BRDT: variants seen among roughly 807,000 people sequenced by gnomAD.
BRDT encodes bromodomain testis associated.
BRDT carries 77 observed loss-of-function variants against 113.9 expected under a neutral mutation model. That is an observed-to-expected ratio of 0.68 (90% CI 0.56 to 0.82). The LOEUF (loss-of-function observed/expected upper bound fraction) is 0.82, where lower values mean the gene tolerates loss of function less well. BRDT is among the 40% of genes least tolerant of loss of function. BRDT has a pLI of 0.00. For missense variants in BRDT, 1,027 were observed against 1,105.4 expected (o/e 0.93, Z 1.01); for synonymous variants, 358 against 366.5 (o/e 0.98, Z 0.26).
chr1:91,991,991 C>CAAAAAAAAAAAAAAAAAAAA (rs764759925), intron 13 of BRDT, among the ~76,000 whole-genome samples: 17 of 67,738 alleles, frequency 2.5e-4, no homozygotes, highest in African/African-American at 2.9e-4. Context: ...GACTCTGTCT[C>CAAAAAAAAAAAAAAAAAAAA]AAAAAAAAAA....
rs1371773756 is a variant in BRDT, at chr1:91,957,739, T to G, written c.-37-4979T>G. On this transcript the variant is annotated intron_variant, in intron 1 of 18. Transcript: ENST00000399546. ...ATACTATCATACAAGGTAGTCTCACTTCCCTGAATATCCTCTGTGCTCTGC... is the reference window on the plus strand; with the variant it reads ...ATACTATCATACAAGGTAGTCTCACGTCCCTGAATATCCTCTGTGCTCTGC... 5.3e-5 allele frequency: 8 copies of G among 152,344 alleles called. No homozygotes were observed. The East Asian group carries it at 1.5e-3, about 29-fold the overall frequency. The allele number at this position is 152,344 out of a possible 1,614,324, so 9.4% of individuals were successfully genotyped here. A position where few individuals can be genotyped will look rare whatever the true frequency, so the allele number is the denominator to read the frequency against.
chr1:91,978,350 G>GT (rs1684356220), intron 7 of BRDT, 54 bp downstream of exon 7: 1 of 1,586,878 alleles, frequency 6.3e-7, no homozygotes, highest in Non-Finnish European at 8.6e-7. Context: ...TAGTTGAAAC[G>GT]TTTTTTAGAA....
rs540168360 is a variant in BRDT at position 91,985,482 on chromosome 1, A to G, written c.2002+3727A>G. ...AGTGCTGGGATTACAGGAGTGAGCC[A>G]TCATGCCTGGTCTTTAGTAATTTTT... On this transcript the variant is annotated intron_variant, in intron 12 of 18. Transcript: ENST00000399546. Among the ~76,000 whole-genome samples the G allele has an allele frequency of 5.4e-4, 82 of 152,180 alleles. No homozygotes were observed. In the South Asian group the frequency reaches 0.015, roughly 27 times the overall value.
At chr1:91,990,819 A>G (rs1685681230) in intron 12 of BRDT, among the ~76,000 whole-genome samples, 1 of 152,076 alleles carries the variant, frequency 6.6e-6, no homozygotes, top group Non-Finnish European at 1.5e-5. Context: ...TTTTTTTGAG[A>G]CAGAGTCTCA....
At position 91,973,263 on chromosome 1, in the gene BRDT, G is replaced by A. The variant is rs183081621; in HGVS notation, c.446-3003G>A. Among the ~76,000 whole-genome samples the A allele has an allele frequency of 6.2e-4, 95 of 152,242 alleles. No homozygotes were observed. In the East Asian group the frequency reaches 0.016, roughly 26 times the overall value. ...TGGCTTAGGATTGACTTGGCAATGCGGGCTCTTTTTTAGTTCCATATGAAC... is the reference window on the plus strand; with the variant it reads ...TGGCTTAGGATTGACTTGGCAATGCAGGCTCTTTTTTAGTTCCATATGAAC... On this transcript the variant is annotated intron_variant, in intron 4 of 18. Coordinates refer to ENST00000399546, the MANE Select transcript of BRDT (RefSeq NM_207189.4).
rs564303741 is a variant in BRDT at position 91,966,657 on chromosome 1, C to T, written c.331-1489C>T. Among the ~76,000 whole-genome samples the T allele has an allele frequency of 2.5e-3, 377 of 152,294 alleles. 4 individuals are homozygous for T. The highest frequency in any genetic ancestry group is 0.017 in the Middle Eastern group (5 of 294). On this transcript the variant is annotated intron_variant, in intron 3 of 18. Transcript: ENST00000399546. ...TTGGTAATTTTCCTGAGCTACCTAA[C>T]TTAGAAATAAATGTTCTCTTTATTT...
At chr1:91,976,605 A>C (rs1684162175) in intron 5 of BRDT, among the ~76,000 whole-genome samples, 167 bp downstream of exon 5, 1 of 152,186 alleles carries the variant, frequency 6.6e-6, no homozygotes, top group Non-Finnish European at 1.5e-5. Context: ...TTTTATGAAT[A>C]GACACCTAAG....
At chr1:91,987,680 CAT>C (rs1685384762) in intron 12 of BRDT, among the ~76,000 whole-genome samples, 1 of 134,642 alleles carries the variant, frequency 7.4e-6, no homozygotes, top group Non-Finnish European at 1.7e-5. Context: ...TTTTTTAAAT[CAT>C]ATTATGTTCC....
chr1:91,983,918 G>A (rs935667312), intron 12 of BRDT, among the ~76,000 whole-genome samples: 2 of 152,146 alleles, frequency 1.3e-5, no homozygotes, highest in African/African-American at 4.8e-5. Flanking sequence ...CTGACCTCAA[G>A]TAATTCTCCC....
chr1:91,994,867 CAAAAAAAAAAAAAA>C (rs11330809), intron 15 of BRDT, among the ~76,000 whole-genome samples: 22 of 65,504 alleles, frequency 3.4e-4, no homozygotes, highest in Admixed American at 3.2e-3. Flanking sequence ...GACTCCGTCT[CAAAAAAAAAAAAAA>C]AAAAAAAAAA....
chr1:91,996,387 T>A (rs1231266355), intron 15 of BRDT, among the ~76,000 whole-genome samples: 1 of 152,214 alleles, frequency 6.6e-6, no homozygotes, highest in Non-Finnish European at 1.5e-5. Context: ...TAGTTGGGAT[T>A]ACAGGCATGC....
chr1:91,990,973 A>G (rs750408355), intron 12 of BRDT, among the ~76,000 whole-genome samples: 8 of 152,018 alleles, frequency 5.3e-5, no homozygotes, highest in Admixed American at 1.3e-4. Context: ...AATTTTTTGT[A>G]TTTTTAGTAG....
At chr1:92,012,192 G>T (rs1488777198) in intron 18 of BRDT, among the ~76,000 whole-genome samples, 1 of 151,972 alleles carries the variant, frequency 6.6e-6, no homozygotes, top group South Asian at 2.1e-4. Flanking sequence ...CAGCTACTTA[G>T]GAGGCTGAGG....
In BRDT at chr1:91,979,673, C is replaced by T. The variant is rs1410193801; in HGVS notation, c.1203C>T (p.Asn401=). ...TDITETTGRE[N]TNEASSEGNS... is the part of the protein sequence containing the mutation. ...TCACAGAAACCACTGGTAGAGAGAA[C>T]ACTAATGAAGCCTCCTCTGAAGGGA... The change falls in exon 8 of 19, where the codon AAC becomes AAT. Residue 401 remains asparagine, a synonymous_variant. Transcript: ENST00000399546. The T allele has an allele frequency of 1.2e-6, 2 of 1,614,044 alleles. No individual in the cohort carries two copies. Among genetic ancestry groups the T allele is most frequent in the Non-Finnish European group, 1.7e-6 (2 of 1,179,982 alleles).
intron 18 of BRDT, among the ~76,000 whole-genome samples, chr1:92,012,298 G>GAA (rs377056596): frequency 7.7e-5 from 8 of 104,408 alleles, no homozygotes; most frequent in East Asian, 2.8e-4. Context: ...ACTCCATCTA[G>GAA]AAAAAAAAAA....
intron 15 of BRDT, among the ~76,000 whole-genome samples, chr1:92,000,457 C>T (rs1307255233): frequency 6.6e-6 from 1 of 152,150 alleles, no homozygotes; most frequent in African/African-American, 2.4e-5. Flanking sequence ...AGCTTTTGTT[C>T]TGCATTCTTT....
intron 4 of BRDT, among the ~76,000 whole-genome samples, chr1:91,968,989 T>G (rs1020466939): frequency 1.3e-5 from 2 of 152,030 alleles, no homozygotes; most frequent in African/African-American, 2.4e-5. Flanking sequence ...CAGGCTGGAG[T>G]GCAGTAGTGC....
intron 18 of BRDT, among the ~76,000 whole-genome samples, chr1:92,005,867 G>A (rs1687250330): frequency 6.6e-6 from 1 of 152,204 alleles, no homozygotes; most frequent in African/African-American, 2.4e-5. Context: ...GCCAGAAGAT[G>A]TGCCATCTGT....
chr1:91,989,597 G>A (rs916895298), intron 12 of BRDT, among the ~76,000 whole-genome samples: 30 of 152,286 alleles, frequency 2.0e-4, no homozygotes, highest in African/African-American at 7.2e-4. Flanking sequence ...CTGACCTCAA[G>A]TGATCTAACC....
Sources: gnomAD v4.1 joint callset for allele counts (sites outside exome capture counted in the v4.1 genomes callset) on GRCh38, gnomAD v4.1.1 for gene constraint, MANE v1.5 for transcripts, NCBI Gene and HGNC (gene_info 2026-07-23, HGNC 2026-07-21) for gene names.